The following NKAIN2 variants were observed in gnomAD, a reference collection of about 807,000 sequenced individuals.
NKAIN2 encodes the protein sodium/potassium transporting ATPase interacting 2.
NKAIN2 carries 14 observed loss-of-function variants against 32.6 expected under a neutral mutation model. The ratio of observed to expected loss-of-function variants is 0.43; its 90% CI spans 0.28 to 0.67. NKAIN2 has a LOEUF of 0.67. NKAIN2 is among the 30% of genes least tolerant of loss of function. The pLI is 0.17. For missense variants in NKAIN2, 198 were observed against 258.3 expected (o/e 0.77, Z 1.60); for synonymous variants, 80 against 87.2 (o/e 0.92, Z 0.46).
chr6:123,837,184 T>G (rs1284209150), intron 1 of NKAIN2, among the ~76,000 whole-genome samples: 2 of 152,148 alleles, frequency 1.3e-5, no homozygotes, highest in African/African-American at 4.8e-5. Flanking sequence ...AGCATTTGAT[T>G]TATGCTGCAT....
intron 1 of NKAIN2, among the ~76,000 whole-genome samples, chr6:124,141,994 T>C (rs1460581421): frequency 6.6e-6 from 1 of 152,178 alleles, no homozygotes; most frequent in African/African-American, 2.4e-5. Context: ...AGAAAATAAT[T>C]TCCCATCCCA....
intron 3 of NKAIN2, among the ~76,000 whole-genome samples, chr6:124,647,496 CAAAAAAA>C (rs1157607122): frequency 1.9e-4 from 11 of 58,948 alleles, no homozygotes; most frequent in East Asian, 6.3e-4. Context: ...GAGACTCTGT[CAAAAAAA>C]AAAAAAAAAA....
At chr6:124,211,390 A>G (rs1295746528) in intron 1 of NKAIN2, among the ~76,000 whole-genome samples, 1 of 151,926 alleles carries the variant, frequency 6.6e-6, no homozygotes, top group Non-Finnish European at 1.5e-5. Flanking sequence ...ATCTCCTACC[A>G]CATTGCTGTT....
chr6:123,881,973 A>G (rs941891265), intron 1 of NKAIN2, among the ~76,000 whole-genome samples: 2 of 152,150 alleles, frequency 1.3e-5, no homozygotes, highest in African/African-American at 4.8e-5. Context: ...AGGGTGCCGT[A>G]TCTTAAAATC....
At chr6:123,857,250 C>T (rs912690102) in intron 1 of NKAIN2, among the ~76,000 whole-genome samples, 2 of 138,850 alleles carry the variant, frequency 1.4e-5, no homozygotes, top group Non-Finnish European at 3.1e-5. Context: ...TTAAAACAAG[C>T]CTGTGATTTA....
At chr6:124,820,370 C>T (rs548383027) in intron 6 of NKAIN2, among the ~76,000 whole-genome samples, 56 of 152,278 alleles carry the variant, frequency 3.7e-4, no homozygotes, top group Middle Eastern at 3.4e-3. Flanking sequence ...GCCTAAGTTT[C>T]CTCACCTGCA....
At chr6:124,755,778 C>T (rs1270134557) in intron 4 of NKAIN2, among the ~76,000 whole-genome samples, 1 of 152,076 alleles carries the variant, frequency 6.6e-6, no homozygotes, top group Non-Finnish European at 1.5e-5. Context: ...CTAATGACAC[C>T]TGGGTGATGA....
At chr6:123,880,137 T>C (rs1014906077) in intron 1 of NKAIN2, among the ~76,000 whole-genome samples, 1 of 152,200 alleles carries the variant, frequency 6.6e-6, no homozygotes, top group South Asian at 2.1e-4. Flanking sequence ...CGAGGCATTT[T>C]GCAGTATATG....
At chr6:124,327,433 C>A (rs577591514) in intron 2 of NKAIN2, among the ~76,000 whole-genome samples, 1 of 152,162 alleles carries the variant, frequency 6.6e-6, no homozygotes, top group Admixed American at 6.5e-5. Context: ...ATCATATAAT[C>A]TATAAATAAT....
chr6:124,464,923 A>G (rs1476728431), intron 3 of NKAIN2, among the ~76,000 whole-genome samples: 2 of 152,082 alleles, frequency 1.3e-5, no homozygotes, highest in African/African-American at 2.4e-5. Flanking sequence ...TGGTAGCTTC[A>G]TGGGGATAGC....
chr6:124,574,979 G>A (rs146356793), intron 3 of NKAIN2, among the ~76,000 whole-genome samples: 56 of 152,312 alleles, frequency 3.7e-4, no homozygotes, highest in African/African-American at 1.3e-3. Flanking sequence ...GAACATATCA[G>A]AGTGCCTTGA....
At chr6:124,469,739 C>G (rs2114669488) in intron 3 of NKAIN2, among the ~76,000 whole-genome samples, 1 of 152,220 alleles carries the variant, frequency 6.6e-6, no homozygotes, top group South Asian at 2.1e-4. Context: ...GACAGTTTTT[C>G]ACAGTAAAAA....
At chr6:124,707,764 G>A (rs1583686839) in intron 4 of NKAIN2, among the ~76,000 whole-genome samples, 1 of 151,758 alleles carries the variant, frequency 6.6e-6, no homozygotes, top group East Asian at 1.9e-4. Context: ...TGAGTAGGTT[G>A]CAAAAATTTT....
At chr6:124,089,563 C>T (rs180704679) in intron 1 of NKAIN2, among the ~76,000 whole-genome samples, 36 of 152,014 alleles carry the variant, frequency 2.4e-4, no homozygotes, top group Non-Finnish European at 3.4e-4. Flanking sequence ...GTGACTTTCT[C>T]TTTGTATAAT....
chr6:123,971,320 G>A (rs543457742), intron 1 of NKAIN2, among the ~76,000 whole-genome samples: 1 of 151,646 alleles, frequency 6.6e-6, no homozygotes, highest in African/African-American at 2.4e-5. Flanking sequence ...TTTGCTATGA[G>A]TAATTTAAAT....
intron 1 of NKAIN2, among the ~76,000 whole-genome samples, chr6:124,195,352 A>G (rs1041936514): frequency 6.6e-6 from 1 of 152,048 alleles, no homozygotes; most frequent in African/African-American, 2.4e-5. Context: ...AGTTAACTCA[A>G]TGAAGTGGAT....
chr6:124,036,394 G>A (rs907071833), intron 1 of NKAIN2, among the ~76,000 whole-genome samples: 1 of 152,034 alleles, frequency 6.6e-6, no homozygotes, highest in African/African-American at 2.4e-5. Flanking sequence ...GGGAGACTGG[G>A]TTCTTCTGGT....
intron 1 of NKAIN2, among the ~76,000 whole-genome samples, chr6:123,867,568 G>T (rs555921623): frequency 3.5e-4 from 53 of 152,214 alleles, no homozygotes; most frequent in African/African-American, 1.3e-3. Flanking sequence ...TAATATTCTT[G>T]GCAAATAAAT....
chr6:124,434,195 C>G (rs1775341252), intron 3 of NKAIN2, among the ~76,000 whole-genome samples: 1 of 152,142 alleles, frequency 6.6e-6, no homozygotes. Context: ...CTGATTTACT[C>G]TGAAGTAGAA....
Sources: allele counts gnomAD v4.1 joint callset (sites outside exome capture counted in the v4.1 genomes callset), GRCh38; gene constraint gnomAD v4.1.1; transcripts MANE v1.5; gene names NCBI Gene and HGNC (gene_info 2026-07-23, HGNC 2026-07-21).